Variants in GRM7 observed in about 807,000 individuals in gnomAD.
GRM7 encodes glutamate metabotropic receptor 7.
A neutral mutation model predicts 84.5 loss-of-function variants in GRM7; 35 were observed. The ratio of observed to expected loss-of-function variants is 0.41; its 90% CI spans 0.32 to 0.55. The LOEUF is 0.55. Among genes scored for constraint, GRM7 ranks in the 20% least tolerant of loss-of-function variants. GRM7 has a pLI of 0.19. For missense variants in GRM7, 1,003 were observed against 1,194.6 expected (o/e 0.84, Z 2.36); for synonymous variants, 487 against 455.1 (o/e 1.07, Z -0.89).
intron 1 of GRM7, among the ~76,000 whole-genome samples, chr3:6,961,248 G>A (rs144722060): frequency 1.7e-4 from 26 of 152,198 alleles, no homozygotes; most frequent in Admixed American, 3.3e-4. Flanking sequence ...ATAATATCAC[G>A]CTAAAGATAC....
rs140232016 is a variant in GRM7 at position 7,109,531 on chromosome 3, G to C, written c.520-36921G>C. ...GATACCTGCAGGAAAAGTAATCATT[G>C]CCAGTAGACTTACTGTCCAGGAATG... On this transcript the variant is annotated intron_variant, in intron 1 of 9. Transcript: ENST00000357716. Among the ~76,000 whole-genome samples, 245 of 152,170 alleles carry C rather than the reference G, an allele frequency of 1.6e-3. 1 individual carries two copies. The highest frequency in any genetic ancestry group is 5.4e-3 in the African/African-American group (226 of 41,538).
Position 7,201,247 on chromosome 3 carries a change from A to G in GRM7, c.736+54579A>G, listed in dbSNP as rs182747342. On this transcript the variant is annotated intron_variant, in intron 2 of 9. Coordinates refer to ENST00000357716, the MANE Select transcript of GRM7 (RefSeq NM_000844.4). ...GCCTCCCAAACATTTTAGAATATTGAGTTTCAGGGAGGAAACTGTGTCGTT... is the reference window on the plus strand; with the variant it reads ...GCCTCCCAAACATTTTAGAATATTGGGTTTCAGGGAGGAAACTGTGTCGTT... Among the ~76,000 whole-genome samples the G allele has an allele frequency of 2.8e-3, 427 of 152,174 alleles. 2 individuals are homozygous for G. Among genetic ancestry groups the G allele is most frequent in the African/African-American group, 9.7e-3 (401 of 41,512 alleles).
chr3:7,224,353 C>T (rs1283738357), intron 2 of GRM7, among the ~76,000 whole-genome samples: 1 of 152,162 alleles, frequency 6.6e-6, no homozygotes, highest in East Asian at 1.9e-4. Context: ...AGGATAGTAT[C>T]AAAGGGGGAT....
At chr3:7,172,768 A>G (rs1206673273) in intron 2 of GRM7, among the ~76,000 whole-genome samples, 1 of 151,956 alleles carries the variant, frequency 6.6e-6, no homozygotes, top group African/African-American at 2.4e-5. Context: ...ATGAAACTGA[A>G]CTTTTTAAAA....
At chr3:7,277,449 T>C (rs1423321807) in intron 2 of GRM7, among the ~76,000 whole-genome samples, 1 of 152,076 alleles carries the variant, frequency 6.6e-6, no homozygotes, top group Non-Finnish European at 1.5e-5. Flanking sequence ...CAGCTTCAGA[T>C]GATATAAATC....
At chr3:6,987,172 T>C (rs528093029) in intron 1 of GRM7, among the ~76,000 whole-genome samples, 129 of 152,312 alleles carry the variant, frequency 8.5e-4, no homozygotes, top group African/African-American at 3.0e-3. Flanking sequence ...TGGTGCTTTA[T>C]TGACAACTGT....
chr3:7,116,723 A>G (rs1372833766), intron 1 of GRM7, among the ~76,000 whole-genome samples: 1 of 152,094 alleles, frequency 6.6e-6, no homozygotes, highest in African/African-American at 2.4e-5. Flanking sequence ...CCCTTTTTAG[A>G]TGTTGCTCTA....
chr3:7,289,504 C>G (rs982927278), intron 2 of GRM7, among the ~76,000 whole-genome samples: 3 of 152,192 alleles, frequency 2.0e-5, no homozygotes, highest in Non-Finnish European at 4.4e-5. Context: ...CATCCCATTA[C>G]TGGGTATATA....
At chr3:7,021,990 C>A (rs1269610397) in intron 1 of GRM7, among the ~76,000 whole-genome samples, 1 of 151,978 alleles carries the variant, frequency 6.6e-6, no homozygotes, top group African/African-American at 2.4e-5. Flanking sequence ...CATAACCAAC[C>A]AAATATGATA....
chr3:7,254,147 C>G (rs1229513928), intron 2 of GRM7, among the ~76,000 whole-genome samples: 1 of 152,178 alleles, frequency 6.6e-6, no homozygotes, highest in African/African-American at 2.4e-5. Context: ...ATGTCAGAAG[C>G]AGGGCAAGTT....
intron 2 of GRM7, among the ~76,000 whole-genome samples, chr3:7,161,159 G>T (rs111562700): frequency 0.011 from 1,605 of 152,040 alleles, 12 homozygotes; most frequent in South Asian, 0.017. Context: ...CTCCTCTCAT[G>T]CTGACCCCAT....
intron 2 of GRM7, among the ~76,000 whole-genome samples, chr3:7,295,613 A>G (rs565987205): frequency 6.6e-5 from 10 of 152,294 alleles, no homozygotes; most frequent in Admixed American, 1.3e-4. Context: ...TTAAAAATGT[A>G]TTTTAGCCAT....
intron 5 of GRM7, 151 bp from the exon 6 acceptor site, chr3:7,452,456 T>C (rs1161342207): frequency 1.6e-6 from 1 of 630,894 alleles, no homozygotes; most frequent in Non-Finnish European, 2.8e-6. Context: ...TATCACGTGG[T>C]AGGCAAATGT....
At chr3:7,569,884 C>T (rs1316015188) in intron 7 of GRM7, among the ~76,000 whole-genome samples, 3 of 152,120 alleles carry the variant, frequency 2.0e-5, no homozygotes, top group Non-Finnish European at 4.4e-5. Context: ...CCGGACACGC[C>T]GCCTTTAAGA....
chr3:7,500,262 C>A (rs1013470493), intron 7 of GRM7, among the ~76,000 whole-genome samples: 14 of 152,220 alleles, frequency 9.2e-5, no homozygotes, highest in African/African-American at 3.1e-4. Flanking sequence ...TCTATTGCAT[C>A]AAATGCATTC....
intron 1 of GRM7, among the ~76,000 whole-genome samples, chr3:7,120,529 C>G (rs991313707): frequency 6.6e-6 from 1 of 152,140 alleles, no homozygotes; most frequent in African/African-American, 2.4e-5. Context: ...CTTGTGAACA[C>G]AGTGAGATCC....
intron 1 of GRM7, among the ~76,000 whole-genome samples, chr3:6,876,318 T>A (rs1695300998): frequency 6.6e-6 from 1 of 151,238 alleles, no homozygotes; most frequent in Non-Finnish European, 1.5e-5. Flanking sequence ...TGGGTAGGAG[T>A]CAGGGCCTTG....
At chr3:7,592,541 C>T (rs766410431) in intron 8 of GRM7, among the ~76,000 whole-genome samples, 3 of 152,048 alleles carry the variant, frequency 2.0e-5, no homozygotes, top group Non-Finnish European at 4.4e-5. Context: ...AGGGCACCAG[C>T]GCATGCAGAA....
At chr3:6,990,865 G>C (rs1694608931) in intron 1 of GRM7, among the ~76,000 whole-genome samples, 1 of 152,088 alleles carries the variant, frequency 6.6e-6, no homozygotes, top group Non-Finnish European at 1.5e-5. Flanking sequence ...GACTGACTGG[G>C]ATTCTTCCTT....
Sources: gnomAD v4.1 joint callset for allele counts (sites outside exome capture counted in the v4.1 genomes callset) on GRCh38, gnomAD v4.1.1 for gene constraint, MANE v1.5 for transcripts, NCBI Gene and HGNC (gene_info 2026-07-23, HGNC 2026-07-21) for gene names.